The following PTPRD variants were observed in gnomAD, a reference collection of about 807,000 sequenced individuals.
The protein encoded by PTPRD is protein tyrosine phosphatase receptor type D.
PTPRD carries 34 observed loss-of-function variants against 214.5 expected under a neutral mutation model. The observed-to-expected ratio is 0.16, with a 90% CI of 0.12 to 0.21. The LOEUF (loss-of-function observed/expected upper bound fraction) is 0.21, where lower values mean the gene tolerates loss of function less well. Ranked by LOEUF, PTPRD falls within the 10% of genes least tolerant of loss-of-function variation. The pLI, the probability that PTPRD is intolerant of heterozygous loss-of-function variation, is 1.00. For missense variants in PTPRD, 2,545 were observed against 2,398.7 expected (o/e 1.06, Z -1.27); for synonymous variants, 1,128 against 845.7 (o/e 1.33, Z -5.79).
intron 3 of PTPRD, among the ~76,000 whole-genome samples, chr9:10,339,277 C>T (rs367672090): frequency 6.6e-6 from 1 of 151,774 alleles, no homozygotes; most frequent in East Asian, 1.9e-4. Context: ...CTAAATCAGT[C>T]TTAATTTGCA....
At chr9:8,467,479 T>C (rs2096566635) in intron 31 of PTPRD, among the ~76,000 whole-genome samples, 1 of 151,872 alleles carries the variant, frequency 6.6e-6, no homozygotes, top group Admixed American at 6.6e-5. Flanking sequence ...AATAACCCTA[T>C]AAGGATGGCT....
intron 9 of PTPRD, among the ~76,000 whole-genome samples, chr9:9,280,311 T>C (rs1356453933): frequency 6.6e-6 from 1 of 150,944 alleles, no homozygotes; most frequent in Non-Finnish European, 1.5e-5. Flanking sequence ...ATTGTACATA[T>C]GAAAGAAATA....
chr9:9,477,337 G>A (rs557921223), intron 8 of PTPRD, among the ~76,000 whole-genome samples: 2 of 152,152 alleles, frequency 1.3e-5, no homozygotes, highest in South Asian at 2.1e-4. Flanking sequence ...ACAGCATGAG[G>A]ATGCTCATGT....
intron 9 of PTPRD, among the ~76,000 whole-genome samples, chr9:9,219,335 T>G (rs1264890928): frequency 6.6e-6 from 1 of 152,080 alleles, no homozygotes; most frequent in East Asian, 1.9e-4. Flanking sequence ...AGGATTATAT[T>G]TCAGGGATTG....
At chr9:10,264,484 C>T (rs2093917916) in intron 3 of PTPRD, among the ~76,000 whole-genome samples, 2 of 152,144 alleles carry the variant, frequency 1.3e-5, no homozygotes, top group South Asian at 4.1e-4. Context: ...GATTTGACTG[C>T]CCTGCTGGAT....
chr9:8,634,513 T>C lies in PTPRD; in HGVS notation c.211-1055A>G, dbSNP rs867956765. On this transcript the variant is annotated intron_variant, in intron 13 of 45. Transcript: ENST00000381196. ...AGGACATTCATATTTTCAAAATATG[T>C]CCACTTCAATCTTTGTGCATTCCAT... Among the ~76,000 whole-genome samples the C allele has an allele frequency of 9.9e-5, 15 of 152,214 alleles. No homozygotes were observed. The South Asian group carries it at 2.7e-3, about 27-fold the overall frequency.
At chr9:8,324,542 A>G (rs1248921839) in intron 44 of PTPRD, among the ~76,000 whole-genome samples, 4 of 152,164 alleles carry the variant, frequency 2.6e-5, no homozygotes, top group African/African-American at 9.7e-5. Flanking sequence ...GCTATTGTGA[A>G]TAGTGCCACA....
At chr9:8,909,470 T>C (rs942992426) in intron 11 of PTPRD, among the ~76,000 whole-genome samples, 1 of 152,180 alleles carries the variant, frequency 6.6e-6, no homozygotes, top group African/African-American at 2.4e-5. Flanking sequence ...ATTAATGTAG[T>C]AAGCCTTGAC....
intron 10 of PTPRD, among the ~76,000 whole-genome samples, chr9:9,019,611 C>T (rs996830926): frequency 2.6e-5 from 4 of 152,128 alleles, no homozygotes; most frequent in African/African-American, 7.2e-5. Context: ...GAGGCTGAGG[C>T]AGGAGAATCA....
At chr9:9,606,323 T>C (rs1185008983) in intron 7 of PTPRD, among the ~76,000 whole-genome samples, 3 of 152,132 alleles carry the variant, frequency 2.0e-5, no homozygotes, top group African/African-American at 7.2e-5. Context: ...TATCATTTTC[T>C]GGTTCTATCT....
chr9:8,577,892 C>T (rs552713670), intron 14 of PTPRD, among the ~76,000 whole-genome samples: 3 of 152,198 alleles, frequency 2.0e-5, no homozygotes, highest in South Asian at 2.1e-4. Context: ...GATTCTGATG[C>T]GTACTGATGT....
At chr9:10,301,322 A>T (rs1197770570) in intron 3 of PTPRD, among the ~76,000 whole-genome samples, 1 of 152,184 alleles carries the variant, frequency 6.6e-6, no homozygotes, top group Non-Finnish European at 1.5e-5. Context: ...AAACCAGCAC[A>T]AAAAGGCTGA....
In PTPRD at chr9:10,280,360, CCACA is replaced by C. The variant is rs61249776; in HGVS notation, c.-545+60599_-545+60602del. Reference sequence around the variant, plus strand: ...AGAAAAATATTTAAATACATAAACACCACACACACACACACACACACACACACAC... The same window carrying C: ...AGAAAAATATTTAAATACATAAACACCACACACACACACACACACACACAC... On this transcript the variant is annotated intron_variant, in intron 3 of 45. Transcript: ENST00000381196. Among the ~76,000 whole-genome samples the C allele has an allele frequency of 3.0e-3, 428 of 144,796 alleles. 3 individuals are homozygous for C. The South Asian group carries it at 0.032, about 11-fold the overall frequency. 95.0% of individuals were successfully genotyped at this position (144,796 alleles called of 152,430 possible).
intron 11 of PTPRD, among the ~76,000 whole-genome samples, chr9:8,843,051 C>G (rs541469721): frequency 6.6e-6 from 1 of 152,292 alleles, no homozygotes; most frequent in East Asian, 1.9e-4. Flanking sequence ...CCCTACTGAG[C>G]CCCCTCTTCC....
At chr9:9,062,970 G>A (rs1163439830) in intron 10 of PTPRD, among the ~76,000 whole-genome samples, 2 of 152,192 alleles carry the variant, frequency 1.3e-5, no homozygotes, top group East Asian at 1.9e-4. Flanking sequence ...TACCATGTAT[G>A]AGAAATGTAA....
At chr9:9,273,603 C>T (rs1943801461) in intron 9 of PTPRD, among the ~76,000 whole-genome samples, 1 of 151,200 alleles carries the variant, frequency 6.6e-6, no homozygotes, top group Non-Finnish European at 1.5e-5. Flanking sequence ...CTGCAGATAT[C>T]AGAAGTCTTC....
rs113668894 is a variant in PTPRD, at chr9:9,674,214, T to G, written c.-287+60319A>C. Among the ~76,000 whole-genome samples the G allele has an allele frequency of 2.6e-5, 4 of 151,800 alleles. No individual in the cohort carries two copies. In the South Asian group the frequency reaches 8.3e-4, roughly 31 times the overall value. ...AGTAAATAAATGGTAATGGAGCTGA[T>G]AGGCATTGTTCAGGTATTTTAGGTA... On this transcript the variant is annotated intron_variant, in intron 7 of 45. Transcript: ENST00000381196.
At chr9:9,501,545 A>G (rs1052197851) in intron 8 of PTPRD, among the ~76,000 whole-genome samples, 1 of 151,922 alleles carries the variant, frequency 6.6e-6, no homozygotes, top group Non-Finnish European at 1.5e-5. Flanking sequence ...TGATCAAAAT[A>G]ACACAATCAA....
chr9:8,410,076 T>C (rs572320794), intron 35 of PTPRD, among the ~76,000 whole-genome samples: 52 of 152,346 alleles, frequency 3.4e-4, no homozygotes, highest in African/African-American at 1.2e-3. Context: ...ATTATGCCTT[T>C]TAAAATTCTC....
Sources: allele counts gnomAD v4.1 joint callset (sites outside exome capture counted in the v4.1 genomes callset), GRCh38; gene constraint gnomAD v4.1.1; transcripts MANE v1.5; gene names NCBI Gene and HGNC (gene_info 2026-07-23, HGNC 2026-07-21).